The following MPPED1 variants were observed in gnomAD, a reference collection of about 807,000 sequenced individuals.
MPPED1 encodes the protein metallophosphoesterase domain containing 1.
A neutral mutation model predicts 36.2 loss-of-function variants in MPPED1; 16 were observed. The observed-to-expected ratio is 0.44, with a 90% CI of 0.30 to 0.67. The LOEUF (loss-of-function observed/expected upper bound fraction) is 0.67, where lower values mean the gene tolerates loss of function less well. MPPED1 is among the 30% of genes least tolerant of loss of function. The pLI is 0.10. For missense variants in MPPED1, 307 were observed against 453.4 expected (o/e 0.68, Z 2.93); for synonymous variants, 199 against 191.3 (o/e 1.04, Z -0.33).
chr22:43,443,158 G>C (rs1306332608), intron 3 of MPPED1, among the ~76,000 whole-genome samples: 1 of 152,210 alleles, frequency 6.6e-6, no homozygotes, highest in East Asian at 1.9e-4. Context: ...GGCTGGGGAA[G>C]GCCCCCCTGG....
chr22:43,483,596 C>A (rs962913343), intron 4 of MPPED1, among the ~76,000 whole-genome samples: 7 of 142,182 alleles, frequency 4.9e-5, no homozygotes, highest in Non-Finnish European at 8.0e-5. Flanking sequence ...TCTTAAGAAC[C>A]CTTTTAAATC....
intron 3 of MPPED1, among the ~76,000 whole-genome samples, chr22:43,449,720 G>A (rs80171663): frequency 1.2e-3 from 176 of 152,278 alleles, no homozygotes; most frequent in African/African-American, 4.1e-3. Flanking sequence ...CCAGAGCTGG[G>A]CCACCTTGCC....
chr22:43,460,918 AT>A (rs1242087126), intron 3 of MPPED1, among the ~76,000 whole-genome samples: 1 of 152,140 alleles, frequency 6.6e-6, no homozygotes, highest in Non-Finnish European at 1.5e-5. Flanking sequence ...CCAGATTTTC[AT>A]TTTAAGTTTC....
At chr22:43,454,262 G>T (rs1410362507) in intron 3 of MPPED1, among the ~76,000 whole-genome samples, 2 of 151,900 alleles carry the variant, frequency 1.3e-5, no homozygotes, top group Admixed American at 1.3e-4. Flanking sequence ...GCCCTCCTTG[G>T]CCTCCCAAAG....
intron 3 of MPPED1, among the ~76,000 whole-genome samples, chr22:43,466,074 A>C (rs9620144): frequency 0.014 from 2,142 of 152,334 alleles, 58 homozygotes; most frequent in African/African-American, 0.049. Flanking sequence ...GGAAACAAGC[A>C]GTTGAAGATG....
At chr22:43,457,710 AT>A (rs546211064) in intron 3 of MPPED1, among the ~76,000 whole-genome samples, 3 of 152,004 alleles carry the variant, frequency 2.0e-5, no homozygotes, top group African/African-American at 4.8e-5. Context: ...TTATAATTAA[AT>A]TTTTTTTACC....
intron 3 of MPPED1, among the ~76,000 whole-genome samples, chr22:43,446,025 G>A (rs980931271): frequency 2.0e-5 from 3 of 146,874 alleles, no homozygotes; most frequent in Non-Finnish European, 4.5e-5. Flanking sequence ...CATGCACCAC[G>A]ACACCCGGCT....
chr22:43,492,629 G>C (rs1001590834), intron 4 of MPPED1, among the ~76,000 whole-genome samples: 1 of 152,166 alleles, frequency 6.6e-6, no homozygotes, highest in Non-Finnish European at 1.5e-5. Flanking sequence ...CAGATCCCCA[G>C]GCACAACCCA....
intron 2 of MPPED1, among the ~76,000 whole-genome samples, chr22:43,430,505 C>A (rs139312969): frequency 6.6e-6 from 1 of 152,130 alleles, no homozygotes; most frequent in Non-Finnish European, 1.5e-5. Context: ...TGGGGTCTGG[C>A]GTCGGAGGCC....
rs1410482787 is a variant in MPPED1, at chr22:43,500,402, A to AATGGAG, written c.748+2052_748+2053insATGGAG. 2.1e-4 allele frequency among the ~76,000 whole-genome samples: 6 copies of AATGGAG among 27,996 alleles called. No individual in the cohort carries two copies. In the South Asian group the frequency reaches 6.6e-3, roughly 31 times the overall value. The allele number at this position is 27,996 out of a possible 152,430, so 18.4% of individuals were successfully genotyped here. A position where few individuals can be genotyped will look rare whatever the true frequency, so the allele number is the denominator to read the frequency against. ...TGGTGGTGATGGTGATGGAGGTGGT[A>AATGGAG]GTGGTGGTGATGGAGGTGGTAATGG... On this transcript the variant is annotated intron_variant, in intron 5 of 6. Coordinates refer to ENST00000443721, the MANE Select transcript of MPPED1 (RefSeq NM_001044370.2).
chr22:43,425,274 C>T (rs879430031), intron 2 of MPPED1, 65 bp downstream of exon 2: 31 of 1,474,712 alleles, frequency 2.1e-5, no homozygotes, highest in East Asian at 7.4e-5. Context: ...TGCATGGTCT[C>T]GGGTGCCTCC....
chr22:43,415,289 C>T (rs1456581839), intron 1 of MPPED1, among the ~76,000 whole-genome samples: 2 of 150,676 alleles, frequency 1.3e-5, no homozygotes, highest in African/African-American at 4.9e-5. Flanking sequence ...ATAAGAGACC[C>T]CTTTTTGGGG....
chr22:43,474,674 C>T lies in MPPED1; in HGVS notation c.407-62C>T. ...CCTGCCCGCCCCTCTCTCAGCCGTG[C>T]TGTGGCTTCTGGACAAGCTGACGGC... On this transcript the variant is annotated intron_variant, in intron 3 of 6. Transcript: ENST00000443721. The surrounding 1 kb of genome is among the most constrained non-coding windows in gnomAD (Gnocchi z 5.2). The T allele has an allele frequency of 6.3e-7, 1 of 1,586,314 alleles. No homozygotes were observed. Among genetic ancestry groups the T allele is most frequent in the Non-Finnish European group, 8.7e-7 (1 of 1,156,028 alleles).
chr22:43,419,960 C>T (rs1019414900), intron 1 of MPPED1, among the ~76,000 whole-genome samples: 10 of 152,152 alleles, frequency 6.6e-5, no homozygotes, highest in African/African-American at 2.4e-4. Flanking sequence ...GAGAAACCAT[C>T]TGATAAGAGA....
intron 2 of MPPED1, among the ~76,000 whole-genome samples, chr22:43,434,413 C>G (rs1380102740): frequency 6.6e-6 from 1 of 152,186 alleles, no homozygotes; most frequent in African/African-American, 2.4e-5. Context: ...GGCGGACGTG[C>G]GCTGCACAGC....
chr22:43,447,876 T>TA, intron 3 of MPPED1, among the ~76,000 whole-genome samples: 1 of 31,730 alleles, frequency 3.2e-5, no homozygotes, highest in Admixed American at 4.2e-4. Context: ...TATATATATA[T>TA]ATATATATTT....
chr22:43,495,848 ATGGTGG>A (rs1361659392), intron 4 of MPPED1, among the ~76,000 whole-genome samples: 107 of 2,282 alleles, frequency 0.047, 3 homozygotes, highest in Admixed American at 0.068. Flanking sequence ...GGTGGTGGAG[ATGGTGG>A]TGGTGGTGGT....
chr22:43,427,938 G>C (rs1473113060), intron 2 of MPPED1, among the ~76,000 whole-genome samples: 3 of 152,092 alleles, frequency 2.0e-5, no homozygotes, highest in African/African-American at 7.2e-5. Flanking sequence ...TTCTTCGGGG[G>C]TGAAAAAAAC....
intron 1 of MPPED1, chr22:43,418,477 T>C: frequency 3.7e-6 from 1 of 272,142 alleles, no homozygotes; most frequent in South Asian, 3.6e-5. Flanking sequence ...AGATGCTCTG[T>C]GTGAGCCAAG....
Sources: gnomAD v4.1 joint callset for allele counts (sites outside exome capture counted in the v4.1 genomes callset) on GRCh38, gnomAD v4.1.1 for gene constraint, Gnocchi (gnomAD v3.1) non-coding constraint, MANE v1.5 for transcripts, NCBI Gene and HGNC (gene_info 2026-07-23, HGNC 2026-07-21) for gene names.